IFT122: variants seen among roughly 807,000 people sequenced by gnomAD.
IFT122 encodes the protein intraflagellar transport 122, also known as intraflagellar transport protein 122 homolog.
Under a neutral mutation model 161.6 loss-of-function variants are expected in IFT122, and 118 were observed. The ratio of observed to expected loss-of-function variants is 0.73; its 90% CI spans 0.63 to 0.85. The LOEUF (loss-of-function observed/expected upper bound fraction) is 0.85. Ranked by LOEUF, IFT122 falls within the 40% of genes least tolerant of loss-of-function variation. IFT122 has a pLI of 0.00. For missense variants in IFT122, 1,381 were observed against 1,579.6 expected, an observed-to-expected ratio of 0.87 and a Z score of 2.13; for synonymous variants, 550 against 602.4, an observed-to-expected ratio of 0.91 and a Z score of 1.27.
intron 23 of IFT122, among the ~76,000 whole-genome samples, chr3:129,508,315 A>G (rs1213019681): frequency 6.6e-6 from 1 of 152,188 alleles, no homozygotes; most frequent in Non-Finnish European, 1.5e-5. Context: ...GGAACAGGTG[A>G]TGGGTTGTCA....
At chr3:129,453,647 A>G (rs2075117394) in intron 3 of IFT122, among the ~76,000 whole-genome samples, 1 of 152,220 alleles carries the variant, frequency 6.6e-6, no homozygotes, top group African/African-American at 2.4e-5. Context: ...ATAAATAATT[A>G]TGTACATTAA....
At position 129,464,893 on chromosome 3, in the gene IFT122, G is replaced by A. The variant is rs1269726320; in HGVS notation, c.563+112G>A. 14 of 1,199,238 alleles carry A rather than the reference G, an allele frequency of 1.2e-5. No homozygotes were observed. The African/African-American group carries it at 1.5e-4, about 13-fold the overall frequency. The allele number at this position is 1,199,238 out of a possible 1,614,324, so 74.3% of individuals were successfully genotyped here. ...GCTTCTCACCTCACTTGAATGGTCT[G>A]TTTTAGAACCTGTCCCATTTGTATG... is the stretch of plus-strand genomic sequence containing the variant. On this transcript the variant is annotated intron_variant, in intron 7 of 29. Coordinates refer to ENST00000348417, the MANE Select transcript of IFT122 (RefSeq NM_052989.3).
intron 21 of IFT122, among the ~76,000 whole-genome samples, chr3:129,504,864 C>T (rs2082025407): frequency 6.6e-6 from 1 of 152,026 alleles, no homozygotes; most frequent in African/African-American, 2.4e-5. Flanking sequence ...AGCCAGGGTA[C>T]CATGAGGACA....
intron 1 of IFT122, among the ~76,000 whole-genome samples, chr3:129,448,314 T>A (rs1367570373): frequency 2.6e-5 from 4 of 152,038 alleles, no homozygotes; most frequent in African/African-American, 9.7e-5. Flanking sequence ...CTCGAAAAAA[T>A]GAGTTGCCAC....
intron 15 of IFT122, among the ~76,000 whole-genome samples, chr3:129,486,105 T>G (rs1323951660): frequency 6.6e-6 from 1 of 152,186 alleles, no homozygotes; most frequent in Non-Finnish European, 1.5e-5. Context: ...TCAGAGAGTA[T>G]TTGTTCAGTG....
At chr3:129,480,141 G>A (rs1225920044) in intron 13 of IFT122, among the ~76,000 whole-genome samples, 1 of 152,234 alleles carries the variant, frequency 6.6e-6, no homozygotes, top group Non-Finnish European at 1.5e-5. Context: ...TTTTGGCAGA[G>A]TTGAGCTATA....
chr3:129,519,819 G>A, intron 29 of IFT122, 87 bp downstream of exon 29: 2 of 1,482,938 alleles, frequency 1.3e-6, no homozygotes, highest in South Asian at 1.1e-5. Flanking sequence ...GTGGCCCCTG[G>A]GAGGAGGGGC....
intron 7 of IFT122, among the ~76,000 whole-genome samples, chr3:129,465,047 A>C (rs2076567275): frequency 6.6e-6 from 1 of 151,528 alleles, no homozygotes; most frequent in African/African-American, 2.4e-5. Context: ...GACAGGCCAA[A>C]GTGTGTGTGT....
intron 1 of IFT122, among the ~76,000 whole-genome samples, chr3:129,444,247 G>T (rs1001996306): frequency 6.6e-6 from 1 of 152,184 alleles, no homozygotes; most frequent in African/African-American, 2.4e-5. Context: ...AATGTGCCAA[G>T]GCTCAGAGGA....
At chr3:129,474,044 A>C (rs1461362001) in intron 9 of IFT122, among the ~76,000 whole-genome samples, 1 of 152,248 alleles carries the variant, frequency 6.6e-6, no homozygotes, top group Non-Finnish European at 1.5e-5. Flanking sequence ...TTCTAGCATC[A>C]GATAAGTGCT....
intron 3 of IFT122, among the ~76,000 whole-genome samples, chr3:129,453,539 T>C (rs1453110399): frequency 6.6e-6 from 1 of 152,034 alleles, no homozygotes; most frequent in African/African-American, 2.4e-5. Context: ...TTGAGCTGCA[T>C]AGTTGTAGAG....
chr3:129,517,626 G>A (rs1486197567), intron 27 of IFT122, 32 bp downstream of exon 27: 1 of 1,608,072 alleles, frequency 6.2e-7, no homozygotes, highest in East Asian at 2.2e-5. Context: ...GCCTGTGTGT[G>A]CGGCTGTGTG....
intron 6 of IFT122, 129 bp downstream of exon 6, chr3:129,463,755 T>C: frequency 1.4e-6 from 1 of 714,130 alleles, no homozygotes; most frequent in Non-Finnish European, 2.5e-6. Flanking sequence ...TATTTCCTTT[T>C]TTCTTCTTTC....
At chr3:129,505,405 G>A (rs181908469) in intron 21 of IFT122, among the ~76,000 whole-genome samples, 46 of 152,292 alleles carry the variant, frequency 3.0e-4, no homozygotes, top group Middle Eastern at 3.4e-3. Flanking sequence ...TCAACCGAAA[G>A]CCCTCATTGA....
rs537610918 is a variant in IFT122, at chr3:129,443,059, A to G, written c.41+2688A>G. On this transcript the variant is annotated intron_variant, in intron 1 of 29. Transcript: ENST00000348417. ...TAACTCTCCATTCATGCCAGCTAGT[A>G]TTTACTGAGTACTTGCTATAGGCCA... Among the ~76,000 whole-genome samples, 6 of 152,286 alleles carry G rather than the reference A, an allele frequency of 3.9e-5. No homozygotes were observed. In the South Asian group the frequency reaches 1.2e-3, roughly 32 times the overall value.
intron 23 of IFT122, among the ~76,000 whole-genome samples, chr3:129,509,183 A>G (rs2082504868): frequency 6.6e-6 from 1 of 152,210 alleles, no homozygotes; most frequent in African/African-American, 2.4e-5. Flanking sequence ...TAGAATAAGA[A>G]AAGACAACAC....
At chr3:129,504,552 A>G (rs1578027685) in intron 21 of IFT122, 131 bp downstream of exon 21, 9 of 773,910 alleles carry the variant, frequency 1.2e-5, no homozygotes, top group African/African-American at 1.7e-5. Flanking sequence ...TGGGGATGTG[A>G]TTGTTTGGTG....
rs111668739 is a variant in IFT122, at chr3:129,517,506, G to T, written c.3303G>T (p.Gly1101=). The change falls in exon 27 of 30, where the codon GGG becomes GGT. Residue 1101 remains glycine, a synonymous_variant. Transcript: ENST00000348417. ...LHLVEFYLEE[G]ITDEEAISLI... The stretch of plus-strand genomic sequence containing the variant: ...TGGTTGAGTTCTACCTGGAGGAAGG[G>T]ATCACTGATGAAGAAGCCATCTCCC... 1,521 of 1,613,986 alleles carry T rather than the reference G, an allele frequency of 9.4e-4. 12 individuals are homozygous for T. The African/African-American group carries it at 0.018, about 19-fold the overall frequency.
At chr3:129,467,164 C>G in intron 8 of IFT122, 98 bp downstream of exon 8, 1 of 1,172,938 alleles carries the variant, frequency 8.5e-7, no homozygotes, top group Non-Finnish European at 1.2e-6. Context: ...CAAGGGAGTG[C>G]AGGGACTAGG....
Sources: gnomAD v4.1 joint callset for allele counts (sites outside exome capture counted in the v4.1 genomes callset) on GRCh38, gnomAD v4.1.1 for gene constraint, MANE v1.5 for transcripts, NCBI Gene and HGNC (gene_info 2026-07-23, HGNC 2026-07-21) for gene names.